The following FAM135B variants were observed in gnomAD, a reference collection of about 807,000 sequenced individuals.
The protein encoded by FAM135B is family with sequence similarity 135 member B.
FAM135B carries 43 observed loss-of-function variants against 127.7 expected under a neutral mutation model. That is an observed-to-expected ratio of 0.34 (90% CI 0.26 to 0.43). The LOEUF (loss-of-function observed/expected upper bound fraction) is 0.43, where lower values mean the gene tolerates loss of function less well. FAM135B is among the 20% of genes least tolerant of loss of function. The pLI, the probability that FAM135B is intolerant of heterozygous loss-of-function variation, is 1.00. For missense variants in FAM135B, 1,558 were observed against 1,725.6 expected (o/e 0.90, Z 1.72); for synonymous variants, 670 against 665.1 (o/e 1.01, Z -0.11).
At position 138,400,647 on chromosome 8, in the gene FAM135B, C is replaced by T. The variant is rs897320901; in HGVS notation, c.-19-32645G>A. On this transcript the variant is annotated intron_variant, in intron 1 of 19. Transcript: ENST00000395297. ...TGAGGAATCCCCTGTATTCCCTTAG[C>T]ACATTGTTGCTCAGCCTTTGTTTAA... Among the ~76,000 whole-genome samples, 7 of 152,132 alleles carry T rather than the reference C, an allele frequency of 4.6e-5. No homozygotes were observed. The South Asian group carries it at 1.4e-3, about 32-fold the overall frequency.
Position 138,336,159 on chromosome 8 carries a change from G to T in FAM135B, c.78-25239C>A, listed in dbSNP as rs889840232. ...AATGCCCACAAGAGAAAGCAGGAAAGATCTAAAATTGACACCCTAACATCA... is the reference window on the plus strand; with the variant it reads ...AATGCCCACAAGAGAAAGCAGGAAATATCTAAAATTGACACCCTAACATCA... On this transcript the variant is annotated intron_variant, in intron 2 of 19. Transcript: ENST00000395297. Among the ~76,000 whole-genome samples the T allele has an allele frequency of 2.4e-4, 36 of 152,126 alleles. 1 individual carries two copies. The highest frequency in any genetic ancestry group is 6.8e-3 in the Middle Eastern group (2 of 294).
intron 1 of FAM135B, among the ~76,000 whole-genome samples, chr8:138,414,274 G>C (rs1330593926): frequency 1.3e-5 from 2 of 151,974 alleles, no homozygotes; most frequent in Non-Finnish European, 2.9e-5. Context: ...CACCCACTGA[G>C]CCTCAATTTT....
chr8:138,173,612 A>G (rs771072294), intron 11 of FAM135B, among the ~76,000 whole-genome samples: 5 of 152,238 alleles, frequency 3.3e-5, no homozygotes, highest in Non-Finnish European at 7.3e-5. Context: ...AGTAGTTTCA[A>G]TAGACTAAGC....
chr8:138,187,577 T>G (rs531586833), intron 9 of FAM135B, among the ~76,000 whole-genome samples: 2 of 152,296 alleles, frequency 1.3e-5, no homozygotes, highest in South Asian at 4.1e-4. Flanking sequence ...AATTGGGTCT[T>G]TAGGGGCCAA....
chr8:138,146,500 T>A (rs1817666119), intron 14 of FAM135B, among the ~76,000 whole-genome samples: 1 of 152,098 alleles, frequency 6.6e-6, no homozygotes, highest in South Asian at 2.1e-4. Context: ...TCTGCAAGCC[T>A]CCCTACCTCC....
intron 7 of FAM135B, among the ~76,000 whole-genome samples, chr8:138,217,613 AG>A (rs1818666717): frequency 6.6e-6 from 1 of 151,828 alleles, no homozygotes. Context: ...TTGTATTTTT[AG>A]TAGAGACGGG....
At chr8:138,453,155 T>C (rs1438093291) in intron 1 of FAM135B, among the ~76,000 whole-genome samples, 1 of 152,122 alleles carries the variant, frequency 6.6e-6, no homozygotes, top group Non-Finnish European at 1.5e-5. Flanking sequence ...GATGCAAGTC[T>C]GTAAGACCAA....
rs1005832966 is a variant in FAM135B, at chr8:138,299,008, C to T, written c.157+11833G>A. On this transcript the variant is annotated intron_variant, in intron 3 of 19. Coordinates refer to ENST00000395297, the MANE Select transcript of FAM135B (RefSeq NM_015912.4). ...CCGGGATGCGGAGGTTGCAATGAGC[C>T]GAGATCGCGCCACCGCACTCCAGCC... Among the ~76,000 whole-genome samples, 7 of 150,618 alleles carry T rather than the reference C, an allele frequency of 4.6e-5. No individual in the cohort carries two copies. In the South Asian group the frequency reaches 1.0e-3, roughly 23 times the overall value.
chr8:138,290,587 C>A (rs1825034045), intron 3 of FAM135B, among the ~76,000 whole-genome samples: 1 of 152,096 alleles, frequency 6.6e-6, no homozygotes, highest in South Asian at 2.1e-4. Context: ...TTTGAAAAAT[C>A]CAATTTGATT....
chr8:138,384,650 G>A (rs934031073), intron 1 of FAM135B, among the ~76,000 whole-genome samples: 2 of 152,134 alleles, frequency 1.3e-5, no homozygotes, highest in Non-Finnish European at 1.5e-5. Flanking sequence ...ATGTGTGTGT[G>A]TGCACCTGTG....
At chr8:138,161,277 T>C (rs1200454624) in intron 12 of FAM135B, among the ~76,000 whole-genome samples, 2 of 152,196 alleles carry the variant, frequency 1.3e-5, no homozygotes, top group Non-Finnish European at 2.9e-5. Flanking sequence ...AGATGATCTT[T>C]TCCTATTTTT....
At chr8:138,433,612 T>C (rs936053553) in intron 1 of FAM135B, among the ~76,000 whole-genome samples, 3 of 152,140 alleles carry the variant, frequency 2.0e-5, no homozygotes, top group South Asian at 2.1e-4. Context: ...CTCTATTTCA[T>C]AGTTGATGAA....
intron 2 of FAM135B, among the ~76,000 whole-genome samples, chr8:138,329,328 A>G (rs1375277546): frequency 2.0e-5 from 3 of 152,286 alleles, no homozygotes; most frequent in Non-Finnish European, 2.9e-5. Context: ...AGAATAAACC[A>G]TCATAACCCT....
chr8:138,416,300 A>G (rs1834146587), intron 1 of FAM135B, among the ~76,000 whole-genome samples: 1 of 151,748 alleles, frequency 6.6e-6, no homozygotes, highest in African/African-American at 2.4e-5. Flanking sequence ...AAATTCCCTA[A>G]CCTCCCTGAA....
intron 6 of FAM135B, among the ~76,000 whole-genome samples, chr8:138,244,088 A>G (rs1004712612): frequency 3.3e-5 from 5 of 152,186 alleles, no homozygotes; most frequent in African/African-American, 1.2e-4. Context: ...TAAATTTAGC[A>G]TTATATTTAT....
intron 4 of FAM135B, among the ~76,000 whole-genome samples, chr8:138,259,570 C>A (rs534528548): frequency 6.6e-6 from 1 of 152,288 alleles, no homozygotes; most frequent in South Asian, 2.1e-4. Flanking sequence ...ACCATGGGGG[C>A]TGGCCACAGG....
intron 7 of FAM135B, among the ~76,000 whole-genome samples, chr8:138,217,711 G>A (rs556188878): frequency 8.0e-4 from 122 of 152,236 alleles, no homozygotes; most frequent in Non-Finnish European, 1.2e-3. Flanking sequence ...GATTACAGGC[G>A]TGAGCCACCA....
intron 3 of FAM135B, among the ~76,000 whole-genome samples, chr8:138,295,066 T>C (rs565245952): frequency 6.6e-6 from 1 of 150,504 alleles, no homozygotes; most frequent in East Asian, 2.0e-4. Context: ...TCCTCACACA[T>C]TCCTGATTCA....
chr8:138,385,061 C>T (rs1832108131), intron 1 of FAM135B, among the ~76,000 whole-genome samples: 1 of 152,162 alleles, frequency 6.6e-6, no homozygotes, highest in South Asian at 2.1e-4. Context: ...CCCCAGCAAA[C>T]AGCTCTCCTT....
Sources: allele counts gnomAD v4.1 joint callset (sites outside exome capture counted in the v4.1 genomes callset), GRCh38; gene constraint gnomAD v4.1.1; transcripts MANE v1.5; gene names NCBI Gene and HGNC (gene_info 2026-07-23, HGNC 2026-07-21).